Variants in PTPRG observed in about 807,000 individuals in gnomAD.
The protein encoded by PTPRG is protein tyrosine phosphatase receptor type G, also known as receptor-type tyrosine-protein phosphatase gamma.
A neutral mutation model predicts 165.3 loss-of-function variants in PTPRG; 102 were observed. That is an observed-to-expected ratio of 0.62 (90% CI 0.53 to 0.73). The LOEUF (loss-of-function observed/expected upper bound fraction) is 0.73, where lower values mean the gene tolerates loss of function less well. Ranked by LOEUF, PTPRG falls within the 30% of genes least tolerant of loss-of-function variation. PTPRG has a pLI of 0.00. For missense variants in PTPRG, 1,866 were observed against 1,861.4 expected (o/e 1.00, Z -0.05); for synonymous variants, 675 against 669.5 (o/e 1.01, Z -0.13).
chr3:62,183,191 G>T (rs1264968426), intron 8 of PTPRG, among the ~76,000 whole-genome samples: 2 of 152,198 alleles, frequency 1.3e-5, no homozygotes, highest in Non-Finnish European at 2.9e-5. Context: ...TTCCCGTGAG[G>T]ATTTGATGAC....
chr3:62,274,367 A>G (rs1702166691), intron 23 of PTPRG, among the ~76,000 whole-genome samples: 2 of 152,170 alleles, frequency 1.3e-5, no homozygotes, highest in African/African-American at 4.8e-5. Context: ...AAAAGCGGTT[A>G]AGGTTTATAT....
At position 62,124,407 on chromosome 3, in the gene PTPRG, C is replaced by T. The variant is rs144361109; in HGVS notation, c.616-8195C>T. The T allele has an allele frequency of 9.6e-5, 155 of 1,613,874 alleles. 1 individual carries two copies. Among genetic ancestry groups the T allele is most frequent in the Middle Eastern group, 5.0e-4 (3 of 6,054 alleles). ...TGCAGGTCCAAGATGTAGTCGATGA[C>T]GTGCTGCAGGATTTCCATCTTGCTC... On this transcript the variant is annotated intron_variant, in intron 5 of 29. Transcript: ENST00000474889.
rs1576087552 is a variant in PTPRG, at chr3:62,167,882, C to G, written c.841-89C>G. ...CCGTTTCATGCTCTTATCACCTTCACCTGCTTTGGACCAAATAGCTTTTCT... is the reference window on the plus strand; with the variant it reads ...CCGTTTCATGCTCTTATCACCTTCAGCTGCTTTGGACCAAATAGCTTTTCT... On this transcript the variant is annotated intron_variant, in intron 7 of 29. Transcript: ENST00000474889. 2.2e-6 allele frequency: 3 copies of G among 1,351,090 alleles called. No individual in the cohort carries two copies. In the South Asian group the frequency reaches 3.7e-5, roughly 17 times the overall value. The allele number at this position is 1,351,090 out of a possible 1,614,324, so 83.7% of individuals were successfully genotyped here. A position where few individuals can be genotyped will look rare whatever the true frequency, so the allele number is the denominator to read the frequency against.
chr3:61,562,752 C>T (rs982053584), intron 1 of PTPRG, among the ~76,000 whole-genome samples: 16 of 151,936 alleles, frequency 1.1e-4, no homozygotes, highest in Admixed American at 1.0e-3. Flanking sequence ...GGAAAGGATG[C>T]TTCTGTGGGT....
chr3:61,866,839 C>T (rs145880791), intron 2 of PTPRG, among the ~76,000 whole-genome samples: 209 of 152,174 alleles, frequency 1.4e-3, no homozygotes, highest in African/African-American at 4.5e-3. Flanking sequence ...ACTCGTGATC[C>T]ATCCGCCTTG....
intron 2 of PTPRG, among the ~76,000 whole-genome samples, chr3:61,901,565 A>G (rs1445615749): frequency 6.6e-6 from 1 of 152,228 alleles, no homozygotes; most frequent in African/African-American, 2.4e-5. Context: ...TGCAAGATGT[A>G]TATGCTTCCC....
chr3:62,135,867 A>C (rs1703690136), intron 6 of PTPRG, among the ~76,000 whole-genome samples: 2 of 152,274 alleles, frequency 1.3e-5, no homozygotes, highest in Non-Finnish European at 1.5e-5. Flanking sequence ...CCCAGAGCAA[A>C]GACTGCCCCT....
chr3:61,995,857 A>C (rs1308630), intron 3 of PTPRG, among the ~76,000 whole-genome samples: 89,710 of 151,390 alleles, frequency 0.59, 28,817 homozygotes, highest in African/African-American at 0.86. Flanking sequence ...GCAACCTCTG[A>C]CTATTCTTTG....
chr3:61,965,588 C>T (rs988743404), intron 2 of PTPRG, among the ~76,000 whole-genome samples: 1 of 151,050 alleles, frequency 6.6e-6, no homozygotes, highest in African/African-American at 2.4e-5. Context: ...TTCTAAAGCA[C>T]TTGCAAAAAT....
intron 4 of PTPRG, among the ~76,000 whole-genome samples, chr3:62,036,360 A>G (rs1331375934): frequency 3.3e-5 from 5 of 152,198 alleles, no homozygotes; most frequent in Admixed American, 2.6e-4. Flanking sequence ...TGCAAACTGA[A>G]AATGCATTCC....
chr3:61,691,811 A>C (rs1291862336), intron 1 of PTPRG, among the ~76,000 whole-genome samples: 2 of 152,196 alleles, frequency 1.3e-5, no homozygotes, highest in African/African-American at 4.8e-5. Context: ...TAATATCATA[A>C]AAAGCATATG....
intron 7 of PTPRG, among the ~76,000 whole-genome samples, chr3:62,166,303 T>C: frequency 6.9e-6 from 1 of 145,064 alleles, no homozygotes. Flanking sequence ...CCATTCCTCA[T>C]ATGTAATAGA....
intron 2 of PTPRG, among the ~76,000 whole-genome samples, chr3:61,878,091 AT>A (rs2037793051): frequency 6.6e-6 from 1 of 152,228 alleles, no homozygotes; most frequent in African/African-American, 2.4e-5. Flanking sequence ...GGGTATCAGA[AT>A]TGTTGTTCAT....
At chr3:61,916,391 C>T (rs533290140) in intron 2 of PTPRG, among the ~76,000 whole-genome samples, 3 of 152,138 alleles carry the variant, frequency 2.0e-5, no homozygotes, top group African/African-American at 4.8e-5. Context: ...TTCTAATTTT[C>T]GTGTTAGATG....
chr3:62,065,991 A>T (rs542795061), intron 4 of PTPRG, among the ~76,000 whole-genome samples: 2 of 152,264 alleles, frequency 1.3e-5, no homozygotes, highest in South Asian at 4.2e-4. Context: ...CCTTTTTCTT[A>T]TGGAGAACCA....
intron 12 of PTPRG, among the ~76,000 whole-genome samples, chr3:62,216,795 C>T (rs1045002710): frequency 2.6e-5 from 4 of 152,310 alleles, no homozygotes; most frequent in Middle Eastern, 3.4e-3. Flanking sequence ...CTTCATCTGC[C>T]TTCCAATTCC....
intron 4 of PTPRG, among the ~76,000 whole-genome samples, chr3:62,062,314 G>T (rs893689867): frequency 2.0e-5 from 3 of 152,012 alleles, no homozygotes; most frequent in African/African-American, 4.8e-5. Flanking sequence ...ATTTAGTATG[G>T]GATTAAATGA....
At chr3:62,192,115 C>T (rs1414481927) in intron 9 of PTPRG, among the ~76,000 whole-genome samples, 1 of 152,166 alleles carries the variant, frequency 6.6e-6, no homozygotes, top group Non-Finnish European at 1.5e-5. Context: ...GTCACCACCA[C>T]CACTGTCCAC....
intron 2 of PTPRG, among the ~76,000 whole-genome samples, chr3:61,755,343 A>G (rs992396755): frequency 6.6e-6 from 1 of 152,072 alleles, no homozygotes; most frequent in African/African-American, 2.4e-5. Flanking sequence ...GAACCACACC[A>G]CTGAGGAGGA....
Sources: gnomAD v4.1 joint callset for allele counts (sites outside exome capture counted in the v4.1 genomes callset) on GRCh38, gnomAD v4.1.1 for gene constraint, MANE v1.5 for transcripts, NCBI Gene and HGNC (gene_info 2026-07-23, HGNC 2026-07-21) for gene names.